C1GALT1: variants seen among roughly 807,000 people sequenced by gnomAD.
C1GALT1 encodes the protein core 1 synthase, glycoprotein-N-acetylgalactosamine 3-beta-galactosyltransferase 1.
A neutral mutation model predicts 31.0 loss-of-function variants in C1GALT1; 11 were observed. That is an observed-to-expected ratio of 0.36 (90% CI 0.22 to 0.59). The LOEUF (loss-of-function observed/expected upper bound fraction) is 0.59. Ranked by LOEUF, C1GALT1 falls within the 20% of genes least tolerant of loss-of-function variation. The pLI, the probability that C1GALT1 is intolerant of heterozygous loss-of-function variation, is 0.79. For missense variants in C1GALT1, 424 were observed against 425.2 expected (o/e 1.00, Z 0.03); for synonymous variants, 175 against 143.6 (o/e 1.22, Z -1.56).
At chr7:7,175,932 C>T (rs891643923) in intron 2 of C1GALT1, among the ~76,000 whole-genome samples, 1 of 152,036 alleles carries the variant, frequency 6.6e-6, no homozygotes, top group Non-Finnish European at 1.5e-5. Flanking sequence ...CCTTTATCCC[C>T]TCATTTTACC....
rs1475313960 is a variant in C1GALT1, at chr7:7,176,637, G to T, written c.-18+19211G>T. On this transcript the variant is annotated intron_variant, in intron 2 of 3. Coordinates refer to the C1GALT1 transcript ENST00000429911. Reference sequence around the variant, plus strand: ...GCTAATATGCTGTGAGTCACACTGAGTCCTCTTCCCTCGAGGTTAAATGTA... The same window carrying T: ...GCTAATATGCTGTGAGTCACACTGATTCCTCTTCCCTCGAGGTTAAATGTA... 5.3e-5 allele frequency among the ~76,000 whole-genome samples: 8 copies of T among 152,286 alleles called. No individual in the cohort carries two copies. The South Asian group carries it at 1.5e-3, about 28-fold the overall frequency.
chr7:7,224,244 GGTA>G (rs1407420390), intron 1 of C1GALT1, among the ~76,000 whole-genome samples: 5 of 151,128 alleles, frequency 3.3e-5, no homozygotes, highest in Non-Finnish European at 7.4e-5. Flanking sequence ...TTCTGAGAAG[GGTA>G]GTAGTCTGTA....
intron 1 of C1GALT1, among the ~76,000 whole-genome samples, chr7:7,195,343 T>C (rs1359810200): frequency 6.6e-6 from 1 of 152,198 alleles, no homozygotes; most frequent in Admixed American, 6.5e-5. Flanking sequence ...CCACTTTTGC[T>C]TTATCCCAGA....
intron 1 of C1GALT1, among the ~76,000 whole-genome samples, chr7:7,223,208 GAGTAC>G (rs1450841780): frequency 6.6e-6 from 1 of 152,108 alleles, no homozygotes; most frequent in Admixed American, 6.6e-5. Flanking sequence ...ACCCAGGCTG[GAGTAC>G]AGTGGCGCGA....
chr7:7,171,494 G>A (rs1388125445), intron 2 of C1GALT1, among the ~76,000 whole-genome samples: 5 of 151,848 alleles, frequency 3.3e-5, no homozygotes, highest in Non-Finnish European at 7.4e-5. Context: ...TATTTGTGTC[G>A]TTAAATCTAA....
chr7:7,221,517 T>C (rs569135369), intron 1 of C1GALT1, among the ~76,000 whole-genome samples: 1 of 152,356 alleles, frequency 6.6e-6, no homozygotes, highest in South Asian at 2.1e-4. Flanking sequence ...TTCCTTAAAA[T>C]GTCTGGTGAT....
chr7:7,204,365 A>G (rs978170958), intron 1 of C1GALT1, among the ~76,000 whole-genome samples: 1 of 151,882 alleles, frequency 6.6e-6, no homozygotes, highest in African/African-American at 2.4e-5. Context: ...TCGGTTGTTT[A>G]TAGTATCCTC....
In C1GALT1 at chr7:7,230,462, G is replaced by A. The variant is rs149951114; in HGVS notation, c.-17-3841G>A. On this transcript the variant is annotated intron_variant, in intron 1 of 3. Coordinates refer to ENST00000436587, the MANE Select transcript of C1GALT1 (RefSeq NM_020156.5). The stretch of plus-strand genomic sequence containing the variant: ...ATTTAATATGTGTCTCTTGTAAGCT[G>A]CATGTAGATGAGTTTATTTTTCTCG... 2.6e-3 allele frequency among the ~76,000 whole-genome samples: 401 copies of A among 151,906 alleles called. 1 individual carries two copies. Among genetic ancestry groups the A allele is most frequent in the African/African-American group, 8.7e-3 (362 of 41,470 alleles).
At chr7:7,210,629 A>G (rs1484347208) in intron 1 of C1GALT1, 2 of 152,064 alleles carry the variant, frequency 1.3e-5, no homozygotes. Flanking sequence ...GGCTCCGGGG[A>G]TTGGGTTGAC....
intron 1 of C1GALT1, among the ~76,000 whole-genome samples, chr7:7,192,133 AC>A (rs1781101582): frequency 6.7e-6 from 1 of 150,292 alleles, no homozygotes; most frequent in African/African-American, 2.5e-5. Context: ...ATTTTGAGTT[AC>A]TTTTTCTTCT....
At chr7:7,158,650 T>G (rs1185005108) in intron 2 of C1GALT1, among the ~76,000 whole-genome samples, 1 of 151,150 alleles carries the variant, frequency 6.6e-6, no homozygotes, top group South Asian at 2.1e-4. Flanking sequence ...TATTTATATA[T>G]GTATGCATGT....
chr7:7,169,024 C>G (rs537051389), intron 2 of C1GALT1, among the ~76,000 whole-genome samples: 28 of 152,334 alleles, frequency 1.8e-4, no homozygotes, highest in African/African-American at 6.7e-4. Flanking sequence ...AGCAATAACA[C>G]TCCCTTATCC....
chr7:7,191,330 C>A (rs1051649742), intron 1 of C1GALT1, among the ~76,000 whole-genome samples: 2 of 152,090 alleles, frequency 1.3e-5, no homozygotes, highest in African/African-American at 4.8e-5. Flanking sequence ...CCTTACTTTT[C>A]AAGGCTGAAT....
intron 1 of C1GALT1, among the ~76,000 whole-genome samples, chr7:7,196,862 C>T (rs1485591409): frequency 3.9e-5 from 6 of 152,152 alleles, no homozygotes; most frequent in Admixed American, 1.3e-4. Flanking sequence ...TAAATGTCTT[C>T]TTTTGAGAAG....
chr7:7,178,546 A>C (rs1199130305), upstream of C1GALT1, among the ~76,000 whole-genome samples: 1 of 152,216 alleles, frequency 6.6e-6, no homozygotes, highest in African/African-American at 2.4e-5. Context: ...TCAAGTTTCA[A>C]GGATTCCGTT....
chr7:7,178,207 G>A, upstream of C1GALT1: 1 of 226,300 alleles, frequency 4.4e-6, no homozygotes, highest in Non-Finnish European at 9.8e-6. Flanking sequence ...AAGCAGAATT[G>A]AACCGCCCCC....
At chr7:7,174,203 G>C (rs1397613156) in intron 2 of C1GALT1, among the ~76,000 whole-genome samples, 1 of 152,042 alleles carries the variant, frequency 6.6e-6, no homozygotes, top group East Asian at 1.9e-4. Context: ...CTTCCTTAGA[G>C]ACCCCATCTC....
intron 1 of C1GALT1, among the ~76,000 whole-genome samples, chr7:7,200,191 T>C (rs1781476322): frequency 6.6e-6 from 1 of 152,214 alleles, no homozygotes; most frequent in South Asian, 2.1e-4. Context: ...GTTGTTCCTT[T>C]CCATGTTTAG....
At chr7:7,213,369 A>C (rs113715139) in intron 1 of C1GALT1, among the ~76,000 whole-genome samples, 1 of 152,228 alleles carries the variant, frequency 6.6e-6, no homozygotes, top group Non-Finnish European at 1.5e-5. Flanking sequence ...GATTGACAGC[A>C]TGTACTTCGG....
Sources: gnomAD v4.1 joint callset for allele counts (sites outside exome capture counted in the v4.1 genomes callset) on GRCh38, gnomAD v4.1.1 for gene constraint, MANE v1.5 for transcripts, NCBI Gene and HGNC (gene_info 2026-07-23, HGNC 2026-07-21) for gene names.